The following ARHGAP4 variants were observed in gnomAD, a reference collection of about 807,000 sequenced individuals.
ARHGAP4 encodes Rho GTPase activating protein 4, also known as rho GTPase-activating protein 4.
Under a neutral mutation model 67.6 loss-of-function variants are expected in ARHGAP4, and 25 were observed. The ratio of observed to expected loss-of-function variants is 0.37; its 90% confidence interval spans 0.27 to 0.52. ARHGAP4 has a LOEUF of 0.52. ARHGAP4 is among the 20% of genes least tolerant of loss of function. ARHGAP4 has a pLI of 0.92. For missense variants in ARHGAP4, 804 were observed against 854.6 expected, an observed-to-expected ratio of 0.94 and a Z score of 0.74; for synonymous variants, 448 against 373.7, an observed-to-expected ratio of 1.20 and a Z score of -2.29.
rs782730924 is a variant in ARHGAP4 at position 153,921,790 on chromosome X, G to A, written c.87C>T (p.Ser29=). 13 of 1,191,021 alleles carry A rather than the reference G, an allele frequency of 1.1e-5. No individual in the cohort carries two copies. Among genetic ancestry groups the A allele is most frequent in the Admixed American group, 6.8e-5 (3 of 43,979 alleles). ...GCAGCTCCAGGCAGCGCAGCTGCTC[G>A]CTCAGCTGCCAGCGCATCTCTGTGG... ...TQVKEMRWQL[S]EQLRCLELQG... Residue 29 remains serine, a synonymous_variant, in exon 2 of 22, where the codon AGC becomes AGT. Coordinates refer to ENST00000350060, the MANE Select transcript of ARHGAP4 (RefSeq NM_001666.5).
chrX:153,915,242 T>C (rs888185357), intron 7 of ARHGAP4, among the ~76,000 whole-genome samples: 50 of 108,634 alleles, frequency 4.6e-4, no homozygotes, highest in African/African-American at 1.7e-3. Flanking sequence ...GGGTGGGGAG[T>C]TGGGGTTGAA....
intron 19 of ARHGAP4, 102 bp from the exon 20 acceptor site, chrX:153,909,637 C>G: frequency 9.1e-7 from 1 of 1,095,039 alleles, no homozygotes; most frequent in South Asian, 2.2e-5. Context: ...AGGCTCTGTT[C>G]TCTGGCCCAG....
chrX:153,918,151 G>T (rs905515379), intron 7 of ARHGAP4, among the ~76,000 whole-genome samples: 1 of 112,998 alleles, frequency 8.8e-6, no homozygotes, highest in South Asian at 3.6e-4. Flanking sequence ...CTGTTGTCAT[G>T]GTGATTTAAA....
intron 1 of ARHGAP4, among the ~76,000 whole-genome samples, chrX:153,925,498 A>C (rs1011338719): frequency 8.9e-6 from 1 of 112,723 alleles, no homozygotes; most frequent in Non-Finnish European, 1.9e-5. Context: ...ATTGGCTAAG[A>C]ATTTGCAAAG....
chrX:153,909,711 C>A (rs1557102296), intron 19 of ARHGAP4, 30 bp downstream of exon 19: 1 of 1,164,333 alleles, frequency 8.6e-7, no homozygotes, highest in Non-Finnish European at 1.1e-6. Context: ...ACTCCGGGAG[C>A]CCTGGGGCCT....
In ARHGAP4 at chrX:153,913,052, C is replaced by T. The variant is rs1557103655; in HGVS notation, c.1412-1G>A. On this transcript the variant is annotated splice_acceptor_variant, in intron 10 of 21. Coordinates refer to ENST00000350060, the MANE Select transcript of ARHGAP4 (RefSeq NM_001666.5). LOFTEE classifies it high-confidence loss of function. ...GACACCTCCTGCTCCTCCTTGTCACCTGTGGGGTGGGAGAACATTGGTCTG... is the reference window on the plus strand; with the variant it reads ...GACACCTCCTGCTCCTCCTTGTCACTTGTGGGGTGGGAGAACATTGGTCTG... 1 of 1,191,949 alleles carries T rather than the reference C, an allele frequency of 8.4e-7. No homozygotes were observed. Among genetic ancestry groups the T allele is most frequent in the Non-Finnish European group, 1.1e-6 (1 of 884,991 alleles).
intron 1 of ARHGAP4, among the ~76,000 whole-genome samples, chrX:153,925,861 T>C (rs1229376018): frequency 2.7e-5 from 3 of 112,905 alleles, no homozygotes; most frequent in Non-Finnish European, 3.8e-5. Flanking sequence ...CGGCCACCAG[T>C]GTCTCCACTG....
At chrX:153,925,785 A>G (rs781937844) in intron 1 of ARHGAP4, among the ~76,000 whole-genome samples, 3 of 112,607 alleles carry the variant, frequency 2.7e-5, no homozygotes, top group Non-Finnish European at 5.6e-5. Flanking sequence ...AAGCTGGTTG[A>G]CTTCACTGTA....
chrX:153,907,872 G>A lies in ARHGAP4; in HGVS notation c.2698C>T (p.Pro900Ser). Residue 900 changes from proline (P) to serine (S), a missense_variant, in exon 22 of 22, where the codon CCC becomes TCC. Around this residue, in one of 2 missense-constraint regions of ARHGAP4, gnomAD observed 400 missense variants for 348.7 expected, o/e 1.15. Coordinates refer to ENST00000350060, the MANE Select transcript of ARHGAP4 (RefSeq NM_001666.5). Reference protein sequence around the residue: ...QGLGPASTTSPSPGPRSPKAP... With the variant: ...QGLGPASTTSSSPGPRSPKAP... ...TTTGGGCTTCGGGGCCCAGGACTGG[G>A]AGAGGTGGTAGATGCTGGCCCAAGG... 2 of 1,039,401 alleles carry A rather than the reference G, an allele frequency of 1.9e-6. No homozygotes were observed. The highest frequency in any genetic ancestry group is 2.5e-6 in the Non-Finnish European group (2 of 804,996). The allele number at this position is 1,039,401 out of a possible 1,213,427, so 85.7% of individuals were successfully genotyped here.
intron 13 of ARHGAP4, 55 bp downstream of exon 13, chrX:153,911,074 G>A (rs1314948663): frequency 2.2e-5 from 26 of 1,160,088 alleles, no homozygotes; most frequent in Non-Finnish European, 3.0e-5. Flanking sequence ...CATGCCAGGT[G>A]CTGGGAACTG....
intron 12 of ARHGAP4, among the ~76,000 whole-genome samples, chrX:153,912,369 C>T (rs1237307964): frequency 3.6e-5 from 4 of 111,729 alleles, no homozygotes; most frequent in Non-Finnish European, 7.5e-5. Context: ...ATCTTTCTTG[C>T]TTCCCCTTAT....
At chrX:153,909,360 C>T in intron 20 of ARHGAP4, 83 bp downstream of exon 20, 3 of 903,034 alleles carry the variant, frequency 3.3e-6, no homozygotes, top group Non-Finnish European at 4.3e-6. Flanking sequence ...TCCTCCCACT[C>T]CCACTGGCCA....
chrX:153,919,758 C>T, intron 5 of ARHGAP4: 1 of 1,005,636 alleles, frequency 9.9e-7, no homozygotes, highest in Non-Finnish European at 1.3e-6. Context: ...CTGCTGGCAC[C>T]TGGGTTCTAA....
At chrX:153,913,689 G>A (rs1215320806) in intron 8 of ARHGAP4, 89 bp from the exon 9 acceptor site, 4 of 1,164,025 alleles carry the variant, frequency 3.4e-6, no homozygotes, top group Admixed American at 4.5e-5. Context: ...GCCAAAGGGA[G>A]GGGGGCAGGC....
In ARHGAP4 at chrX:153,909,117, G is replaced by A. The variant is rs782393297; in HGVS notation, c.2560C>T (p.Arg854Cys). 186 of 1,210,136 alleles carry A rather than the reference G, an allele frequency of 1.5e-4. No individual in the cohort carries two copies. The highest frequency in any genetic ancestry group is 2.0e-4 in the Non-Finnish European group (175 of 895,196). Residue 854 changes from arginine (R) to cysteine (C), a missense_variant, in exon 21 of 22, where the codon CGC becomes TGC. Transcript: ENST00000350060. ...EAMGPSGHRR[R>C]CLVPASPEQH... ...TCTGGGGAGGCTGGGACCAAGCAGC[G>A]TCGTCTGTGTCCAGAGGGTCCCATG...
chrX:153,912,218 C>T (rs956500653), intron 12 of ARHGAP4, among the ~76,000 whole-genome samples: 3 of 109,728 alleles, frequency 2.7e-5, no homozygotes, highest in South Asian at 4.0e-4. Flanking sequence ...GACGGGGTTT[C>T]ACCATGTTGC....
At position 153,921,793 on chromosome X, in the gene ARHGAP4, C is replaced by T; in HGVS notation, c.84G>A (p.Leu28=). 1 of 1,189,654 alleles carries T rather than the reference C, an allele frequency of 8.4e-7. No homozygotes were observed. The highest frequency in any genetic ancestry group is 2.3e-5 in the Admixed American group (1 of 43,742). ...ETQVKEMRWQ[L]SEQLRCLELQ... The stretch of plus-strand genomic sequence containing the variant: ...GCTCCAGGCAGCGCAGCTGCTCGCT[C>T]AGCTGCCAGCGCATCTCTGTGGGGG... Residue 28 remains leucine (L), a synonymous_variant, in exon 2 of 22, where the codon CTG becomes CTA. Transcript: ENST00000350060.
At chrX:153,923,496 C>T in intron 1 of ARHGAP4, among the ~76,000 whole-genome samples, 1 of 112,084 alleles carries the variant, frequency 8.9e-6, no homozygotes, top group African/African-American at 3.2e-5. Context: ...CTGCCCCCAC[C>T]AGACTAGCCA....
Position 153,909,101 on chromosome X carries a change from GC to G in ARHGAP4, c.2575del (p.Ala859ProfsTer81). On this transcript the variant is annotated frameshift_variant, in exon 21 of 22. Coordinates refer to ENST00000350060, the MANE Select transcript of ARHGAP4 (RefSeq NM_001666.5). LOFTEE classifies it low-confidence loss of function (END_TRUNC). Reference protein sequence around the residue: ...SGHRRRCLVPASPEQHVEVDK... With the variant: ...SGHRRRCLVPXSPEQHVEVDK... ...CACCTCCACGTGTTGCTCTGGGGAGGCTGGGACCAAGCAGCGTCGTCTGTGT... is the reference window on the plus strand; with the variant it reads ...CACCTCCACGTGTTGCTCTGGGGAGGTGGGACCAAGCAGCGTCGTCTGTGT... 1 of 1,211,706 alleles carries G rather than the reference GC, an allele frequency of 8.3e-7. No homozygotes were observed. Among genetic ancestry groups the G allele is most frequent in the Non-Finnish European group, 1.1e-6 (1 of 895,420 alleles).
Sources: allele counts gnomAD v4.1 joint callset (sites outside exome capture counted in the v4.1 genomes callset), GRCh38; gene constraint gnomAD v4.1.1; regional missense constraint gnomAD v4.1.1; transcripts MANE v1.5; gene names NCBI Gene and HGNC (gene_info 2026-07-23, HGNC 2026-07-21).